Variants in UHRF2 observed in about 807,000 individuals in gnomAD.
UHRF2 encodes E3 ubiquitin-protein ligase UHRF2.
Under a neutral mutation model 96.8 loss-of-function variants are expected in UHRF2, and 23 were observed. That is an observed-to-expected ratio of 0.24 (90% CI 0.17 to 0.34). The LOEUF (loss-of-function observed/expected upper bound fraction) is 0.34. UHRF2 is among the 10% of genes least tolerant of loss of function. The pLI, the probability that UHRF2 is intolerant of heterozygous loss-of-function variation, is 1.00. For synonymous variants in UHRF2, 385 were observed against 332.6 expected (o/e 1.16, Z -1.72); for missense variants, 685 against 981.5 (o/e 0.70, Z 4.04).
rs371548870 is a variant in UHRF2 at position 6,487,177 on chromosome 9, T to TATTTTTTATTTTTA, written c.1497+252_1497+253insATTTTTTATTTTTA. Among the ~76,000 whole-genome samples, 269 of 144,410 alleles carry TATTTTTTATTTTTA rather than the reference T, an allele frequency of 1.9e-3. 3 individuals are homozygous for TATTTTTTATTTTTA. Among genetic ancestry groups the TATTTTTTATTTTTA allele is most frequent in the African/African-American group, 6.6e-3 (250 of 37,810 alleles). The allele number at this position is 144,410 out of a possible 152,430, so 94.7% of individuals were successfully genotyped here. A position where few individuals can be genotyped will look rare whatever the true frequency, so the allele number is the denominator to read the frequency against. On this transcript the variant is annotated intron_variant, in intron 9 of 15. Transcript: ENST00000276893. ...CATTCTCTATAGAGCTTTTATTTTT[T>TATTTTTTATTTTTA]TTTCCTTTTTTTTTTTTTTTTTTTT...
chr9:6,445,130 T>TAAAA (rs34294660), intron 3 of UHRF2, among the ~76,000 whole-genome samples: 9 of 114,116 alleles, frequency 7.9e-5, no homozygotes, highest in East Asian at 2.9e-4. Flanking sequence ...ATCTCTTATT[T>TAAAA]AAAAAAAAAA....
intron 5 of UHRF2, among the ~76,000 whole-genome samples, chr9:6,476,323 A>C (rs1295165472): frequency 6.6e-6 from 1 of 152,200 alleles, no homozygotes; most frequent in African/African-American, 2.4e-5. Context: ...CTGTCCAAAG[A>C]AAAAGCCTGT....
intron 3 of UHRF2, among the ~76,000 whole-genome samples, chr9:6,458,903 T>A (rs1463381711): frequency 6.6e-6 from 1 of 152,188 alleles, no homozygotes; most frequent in Non-Finnish European, 1.5e-5. Flanking sequence ...AAGGATGAGT[T>A]CCTGTCCTTT....
chr9:6,425,390 A>G (rs1454143515), intron 2 of UHRF2, among the ~76,000 whole-genome samples: 1 of 152,130 alleles, frequency 6.6e-6, no homozygotes, highest in Non-Finnish European at 1.5e-5. Context: ...TGCTTCAGGT[A>G]CATCTTGTAT....
chr9:6,460,514 T>C (rs182005182), intron 3 of UHRF2, 59 bp from the exon 4 acceptor site: 1 of 1,427,714 alleles, frequency 7.0e-7, no homozygotes, highest in East Asian at 2.3e-5. Context: ...TTCTGTACAT[T>C]GCATAAAACT....
At chr9:6,432,277 T>A (rs1820600436) in intron 2 of UHRF2, among the ~76,000 whole-genome samples, 1 of 152,216 alleles carries the variant, frequency 6.6e-6, no homozygotes, top group Non-Finnish European at 1.5e-5. Context: ...ATACAGTGCC[T>A]TTGGTCAAAT....
chr9:6,487,051 T>C, intron 9 of UHRF2, 126 bp downstream of exon 9: 1 of 802,838 alleles, frequency 1.2e-6, no homozygotes, highest in Admixed American at 2.6e-5. Context: ...AAGTAATCAG[T>C]TTTATACAAG....
At chr9:6,486,103 A>G (rs1001900982) in intron 8 of UHRF2, among the ~76,000 whole-genome samples, 1 of 152,196 alleles carries the variant, frequency 6.6e-6, no homozygotes, top group African/African-American at 2.4e-5. Flanking sequence ...AATCATGTTG[A>G]CTTGGGTTTG....
chr9:6,423,299 A>G (rs1030994404), intron 2 of UHRF2, among the ~76,000 whole-genome samples: 27 of 152,250 alleles, frequency 1.8e-4, no homozygotes, highest in Non-Finnish European at 2.9e-4. Flanking sequence ...GACCTACAAC[A>G]TAAAGAAGGA....
Position 6,504,043 on chromosome 9 carries a change from T to A in UHRF2, c.2164-550T>A, listed in dbSNP as rs1171564677. ...TTTTTTTTTTTTTTTTTTTTTTTTT[T>A]AAGACCGAGTCTCGCTCTGTCACCC... On this transcript the variant is annotated intron_variant, in intron 14 of 15. Transcript: ENST00000276893. 4.6e-4 allele frequency among the ~76,000 whole-genome samples: 65 copies of A among 140,374 alleles called. No individual in the cohort carries two copies. The South Asian group carries it at 5.1e-3, about 11-fold the overall frequency. The allele number at this position is 140,374 out of a possible 152,430, so 92.1% of individuals were successfully genotyped here.
At chr9:6,451,068 C>T (rs997289497) in intron 3 of UHRF2, among the ~76,000 whole-genome samples, 2 of 152,178 alleles carry the variant, frequency 1.3e-5, no homozygotes, top group Non-Finnish European at 1.5e-5. Flanking sequence ...TTTCTCTTAA[C>T]CTGAAAATCA....
intron 9 of UHRF2, among the ~76,000 whole-genome samples, chr9:6,488,540 C>CTTTTTTT (rs58280407): frequency 3.2e-3 from 269 of 83,798 alleles, no homozygotes; most frequent in African/African-American, 6.3e-3. Context: ...TTTTTCTTTT[C>CTTTTTTT]TTTTTTTTTT....
At chr9:6,419,396 C>G (rs554701681) in intron 1 of UHRF2, among the ~76,000 whole-genome samples, 1 of 151,716 alleles carries the variant, frequency 6.6e-6, no homozygotes, top group Admixed American at 6.6e-5. Flanking sequence ...AATTGCAGAT[C>G]GATAGAATTA....
intron 3 of UHRF2, among the ~76,000 whole-genome samples, chr9:6,452,866 G>A (rs1276286309): frequency 6.6e-6 from 1 of 152,164 alleles, no homozygotes; most frequent in African/African-American, 2.4e-5. Context: ...GAGCTTTAGA[G>A]TTGTCACTGT....
intron 9 of UHRF2, among the ~76,000 whole-genome samples, chr9:6,493,052 C>A (rs913756050): frequency 1.3e-5 from 2 of 152,078 alleles, no homozygotes; most frequent in East Asian, 3.9e-4. Flanking sequence ...AATCCCAGCA[C>A]TTTGGGAGGC....
At chr9:6,420,532 C>A (rs1819869124) in intron 1 of UHRF2, among the ~76,000 whole-genome samples, 1 of 151,356 alleles carries the variant, frequency 6.6e-6, no homozygotes, top group Non-Finnish European at 1.5e-5. Context: ...GAAACCCCGT[C>A]TCTACTAAAA....
rs78717340 is a variant in UHRF2 at position 6,444,450 on chromosome 9, C to T, written c.644+10277C>T. Among the ~76,000 whole-genome samples the T allele has an allele frequency of 4.4e-4, 67 of 152,318 alleles. 1 individual carries two copies. Among genetic ancestry groups the T allele is most frequent in the East Asian group, 3.1e-3 (16 of 5,188 alleles). ...TACCAGTTGATTTCACCTCTTCAAA[C>T]TTATATATCGTCCCTTTACATTTAT... On this transcript the variant is annotated intron_variant, in intron 3 of 15. Transcript: ENST00000276893.
chr9:6,445,512 C>T (rs1224343081), intron 3 of UHRF2, among the ~76,000 whole-genome samples: 3 of 152,128 alleles, frequency 2.0e-5, no homozygotes, highest in African/African-American at 7.2e-5. Context: ...CCACCTGCCT[C>T]GGCCTCCCAA....
intron 4 of UHRF2, among the ~76,000 whole-genome samples, chr9:6,470,989 A>G (rs1823210428): frequency 1.3e-5 from 2 of 152,252 alleles, no homozygotes; most frequent in South Asian, 4.1e-4. Context: ...CTAGATTAAA[A>G]TAAAAAAATC....
Sources: gnomAD v4.1 joint callset for allele counts (sites outside exome capture counted in the v4.1 genomes callset) on GRCh38, gnomAD v4.1.1 for gene constraint, MANE v1.5 for transcripts, NCBI Gene and HGNC (gene_info 2026-07-23, HGNC 2026-07-21) for gene names.